Variants in LUC7L observed in about 807,000 individuals in gnomAD.
LUC7L encodes the protein putative RNA-binding protein Luc7-like 1.
In LUC7L, 29 loss-of-function variants were observed where a neutral mutation model predicts 51.1. The observed-to-expected ratio is 0.57, with a 90% CI of 0.42 to 0.77. The LOEUF (loss-of-function observed/expected upper bound fraction) is 0.77, where lower values mean the gene tolerates loss of function less well. Among genes scored for constraint, LUC7L ranks in the 30% least tolerant of loss-of-function variants. The pLI is 0.00. For synonymous variants in LUC7L, 181 were observed against 180.7 expected (o/e 1.00, Z -0.01); for missense variants, 403 against 511.9 (o/e 0.79, Z 2.05).
At chr16:221,141 TC>T (rs1257505550) in intron 2 of LUC7L, among the ~76,000 whole-genome samples, 1 of 145,838 alleles carries the variant, frequency 6.9e-6, no homozygotes, top group Non-Finnish European at 1.5e-5. Flanking sequence ...TGCCTCATTC[TC>T]CCAAGTAGCT....
chr16:219,826 A>G (rs2142107096), intron 3 of LUC7L, among the ~76,000 whole-genome samples: 1 of 151,908 alleles, frequency 6.6e-6, no homozygotes, highest in Admixed American at 6.6e-5. Context: ...CCAAGATCGC[A>G]CTACTGCTCT....
rs142081540 is a variant in LUC7L at position 216,526 on chromosome 16, G to C, written c.255+4123C>G. Among the ~76,000 whole-genome samples, 463 of 151,970 alleles carry C rather than the reference G, an allele frequency of 3.0e-3. 2 individuals carry two copies. The highest frequency in any genetic ancestry group is 0.01 in the African/African-American group (433 of 41,460). The stretch of plus-strand genomic sequence containing the variant: ...GCCTCCCAAGTAGCTGGGACTACAG[G>C]TGCCCACCACCATGACCGGCTGATT... On this transcript the variant is annotated intron_variant, in intron 3 of 9. Transcript: ENST00000293872.
intron 5 of LUC7L, among the ~76,000 whole-genome samples, chr16:199,661 T>C (rs2142054972): frequency 6.7e-6 from 1 of 148,764 alleles, no homozygotes; most frequent in East Asian, 2.0e-4. Flanking sequence ...ATCCCAGCTA[T>C]TCTGGAGGCT....
Position 228,834 on chromosome 16 carries a change from C to A in LUC7L, c.61+445G>T, listed in dbSNP as rs1355478908. The A allele has an allele frequency of 3.1e-6, 4 of 1,293,238 alleles. No individual in the cohort carries two copies. In the South Asian group the frequency reaches 5.0e-5, roughly 16 times the overall value. 80.1% of individuals were successfully genotyped at this position (1,293,238 alleles called of 1,614,324 possible). On this transcript the variant is annotated intron_variant, in intron 1 of 9. Transcript: ENST00000293872. ...CGGTTCCCCTTGCAATGGTACAGAA[C>A]CAGAGCGGGCCAGGTTTTCGAGGCC...
rs532666333 is a variant in LUC7L, at chr16:229,100, G to A, written c.61+179C>T. 3.5e-6 allele frequency: 5 copies of A among 1,409,414 alleles called. No homozygotes were observed. The South Asian group carries it at 7.7e-5, about 22-fold the overall frequency. 87.3% of individuals were successfully genotyped at this position (1,409,414 alleles called of 1,614,324 possible). On this transcript the variant is annotated intron_variant, in intron 1 of 9. Coordinates refer to ENST00000293872, the MANE Select transcript of LUC7L (RefSeq NM_201412.3). ...AGGAGCCCGACCTGGACCCACGGCCGCCTCAGAGACGCACCGGCTTAGACA... is the reference window on the plus strand; with the variant it reads ...AGGAGCCCGACCTGGACCCACGGCCACCTCAGAGACGCACCGGCTTAGACA...
At chr16:213,613 C>T (rs766757713) in intron 3 of LUC7L, among the ~76,000 whole-genome samples, 2 of 152,114 alleles carry the variant, frequency 1.3e-5, no homozygotes, top group Non-Finnish European at 2.9e-5. Flanking sequence ...CCATGTTGGT[C>T]AGACTGGTCT....
intron 9 of LUC7L, 128 bp from the exon 10 acceptor site, chr16:189,467 C>G: frequency 7.0e-7 from 1 of 1,427,294 alleles, no homozygotes. Context: ...GGAAACCCCC[C>G]GGAGGCCAAC....
At chr16:221,595 T>C (rs2142111976) in intron 2 of LUC7L, among the ~76,000 whole-genome samples, 1 of 151,986 alleles carries the variant, frequency 6.6e-6, no homozygotes. Flanking sequence ...CCCAGCTACC[T>C]GGGGAGCTGA....
chr16:216,387 T>G (rs527685532), intron 3 of LUC7L, among the ~76,000 whole-genome samples: 6,653 of 148,360 alleles, frequency 0.045, 188 homozygotes, highest in Non-Finnish European at 0.068. Context: ...GTTGTTTTTT[T>G]TTTTTTTTTT....
chr16:200,351 CAGGCGGAG>C (rs1197644343), intron 5 of LUC7L, among the ~76,000 whole-genome samples: 5 of 150,176 alleles, frequency 3.3e-5, no homozygotes, highest in African/African-American at 4.9e-5. Context: ...GTGAACCCGG[CAGGCGGAG>C]CTTGTAGTGA....
At chr16:211,063 AAAG>A (rs2049626405) in intron 3 of LUC7L, among the ~76,000 whole-genome samples, 1 of 150,138 alleles carries the variant, frequency 6.7e-6, no homozygotes, top group Non-Finnish European at 1.5e-5. Flanking sequence ...AAAAAAAAAA[AAAG>A]AACACTAAAT....
At chr16:224,830 T>C (rs990842597) in intron 2 of LUC7L, among the ~76,000 whole-genome samples, 5 of 151,158 alleles carry the variant, frequency 3.3e-5, no homozygotes, top group African/African-American at 4.9e-5. Context: ...AGACTCCGTC[T>C]GAAAAAAAAA....
At chr16:219,966 A>G (rs888142120) in intron 3 of LUC7L, among the ~76,000 whole-genome samples, 9 of 152,210 alleles carry the variant, frequency 5.9e-5, no homozygotes, top group African/African-American at 2.2e-4. Context: ...GCCATTTTAC[A>G]ACCACTAAAC....
chr16:193,133 A>G (rs2142039006), intron 6 of LUC7L, 118 bp from the exon 7 acceptor site: 2 of 814,876 alleles, frequency 2.5e-6, no homozygotes, highest in Non-Finnish European at 4.2e-6. Flanking sequence ...TTGAAGGGAC[A>G]CTTTTAGGAA....
chr16:203,186 A>T (rs1046803068), intron 5 of LUC7L, among the ~76,000 whole-genome samples: 3 of 152,168 alleles, frequency 2.0e-5, no homozygotes, highest in Admixed American at 6.6e-5. Flanking sequence ...ACAATCTGCC[A>T]AAACTCACAC....
At chr16:216,269 T>C (rs2049794497) in intron 3 of LUC7L, among the ~76,000 whole-genome samples, 1 of 152,124 alleles carries the variant, frequency 6.6e-6, no homozygotes, top group Non-Finnish European at 1.5e-5. Context: ...CCCAAAGTGC[T>C]TGGGTAAGAG....
At chr16:219,087 GA>G (rs2049893585) in intron 3 of LUC7L, among the ~76,000 whole-genome samples, 1 of 151,828 alleles carries the variant, frequency 6.6e-6, no homozygotes, top group African/African-American at 2.4e-5. Context: ...GACAGAACAA[GA>G]ACCTGTCTCA....
chr16:200,494 T>A (rs577767073), intron 5 of LUC7L, among the ~76,000 whole-genome samples: 44 of 151,168 alleles, frequency 2.9e-4, no homozygotes, highest in Non-Finnish European at 5.3e-4. Flanking sequence ...ACAAATTGTT[T>A]AAGCCCAGGA....
At chr16:189,725 G>A (rs947532552) in intron 9 of LUC7L, 5 of 1,379,288 alleles carry the variant, frequency 3.6e-6, no homozygotes, top group African/African-American at 1.4e-5. Flanking sequence ...GGACGCAACA[G>A]TGCACAGGCC....
Sources: gnomAD v4.1 joint callset for allele counts (sites outside exome capture counted in the v4.1 genomes callset) on GRCh38, gnomAD v4.1.1 for gene constraint, MANE v1.5 for transcripts, NCBI Gene and HGNC (gene_info 2026-07-23, HGNC 2026-07-21) for gene names.